Variants in NUP155 observed in about 807,000 individuals in gnomAD.
The protein encoded by NUP155 is nuclear pore complex protein Nup155.
NUP155 carries 71 observed loss-of-function variants against 180.4 expected under a neutral mutation model. That is an observed-to-expected ratio of 0.39 (90% CI 0.33 to 0.48). NUP155 has a LOEUF of 0.48. Ranked by LOEUF, NUP155 falls within the 20% of genes least tolerant of loss-of-function variation. The probability of loss-of-function intolerance (pLI) is 0.91; values close to 1 mark genes in which losing one functional copy is unlikely to be tolerated. For missense variants in NUP155, 1,553 were observed against 1,648.9 expected, an observed-to-expected ratio of 0.94 and a Z score of 1.01; for synonymous variants, 582 against 559.5, an observed-to-expected ratio of 1.04 and a Z score of -0.57.
chr5:37,341,385 G>A (rs1489204900), intron 10 of NUP155, 143 bp from the exon 11 acceptor site: 13 of 752,950 alleles, frequency 1.7e-5, no homozygotes, highest in Non-Finnish European at 2.9e-5. Context: ...TTTTGGAGAT[G>A]GAGTCTAGCT....
rs761142575 is a variant in NUP155 at position 37,299,549 on chromosome 5, T to A, written c.3581A>T (p.Asp1194Val). The A allele has an allele frequency of 1.2e-6, 2 of 1,614,024 alleles. No homozygotes were observed. Among genetic ancestry groups the A allele is most frequent in the Non-Finnish European group, 1.7e-6 (2 of 1,179,960 alleles). ...TTTGCACTCTGCAAGTTTAAATGGG[T>A]CAGCAAATTCCCCATAAAGCTGTGA... ...DITKLYGEFA[D>V]PFKLAECKLA... Residue 1194 changes from aspartate to valine, a missense_variant, in exon 31 of 35, where the codon GAC becomes GTC. Transcript: ENST00000231498.
At chr5:37,354,866 C>T (rs1484951603) in intron 4 of NUP155, among the ~76,000 whole-genome samples, 3 of 151,956 alleles carry the variant, frequency 2.0e-5, no homozygotes, top group African/African-American at 4.8e-5. Context: ...CAGAGACGGG[C>T]GGATCACTTG....
Position 37,333,571 on chromosome 5 carries a change from A to C in NUP155, c.1410T>G (p.Asp470Glu). The C allele has an allele frequency of 1.2e-6, 2 of 1,613,768 alleles. No homozygotes were observed. The highest frequency in any genetic ancestry group is 1.7e-6 in the Non-Finnish European group (2 of 1,179,670). Reference protein sequence around the residue: ...ALSAIDELKVDKIITPLNKDH... With the variant: ...ALSAIDELKVEKIITPLNKDH... ...CCTTGTTTAAAGGTGTAATTATTTT[A>C]TCTACTTTCAATTCATCTATCGCAG... The change falls in exon 13 of 35, where the codon GAT becomes GAG. Residue 470 changes from aspartate to glutamate, a missense_variant. Asp to Glu is a conservative substitution (Grantham distance 45). Transcript: ENST00000231498.
Position 37,351,334 on chromosome 5 carries a change from A to G in NUP155, c.579T>C (p.Ser193=), listed in dbSNP as rs1746442727. 6.2e-7 allele frequency: 1 copy of G among 1,612,456 alleles called. No individual in the cohort carries two copies. The highest frequency in any genetic ancestry group is 2.2e-5 in the East Asian group (1 of 44,818). Residue 193 remains serine, a synonymous_variant, in exon 6 of 35, where the codon AGT becomes AGC. Transcript: ENST00000231498. ...GAAGCAACTGCATTCCACCAGACAA[A>G]CTATCATTAAGAACTCCAGAACCTA... ...LQTGSGVLND[S]LSGGMQLLPD...
At chr5:37,367,858 A>G (rs532913728) in intron 1 of NUP155, among the ~76,000 whole-genome samples, 10 of 151,626 alleles carry the variant, frequency 6.6e-5, no homozygotes, top group African/African-American at 2.4e-4. Context: ...ATCTCGGCTC[A>G]CTGCAACTTC....
At chr5:37,359,344 C>T (rs1010438793) in intron 3 of NUP155, among the ~76,000 whole-genome samples, 28 of 152,144 alleles carry the variant, frequency 1.8e-4, no homozygotes, top group African/African-American at 6.5e-4. Flanking sequence ...TTCCAAACAT[C>T]TCCACAACAG....
intron 4 of NUP155, among the ~76,000 whole-genome samples, chr5:37,356,500 G>A (rs566726253): frequency 5.9e-5 from 9 of 151,606 alleles, no homozygotes; most frequent in Middle Eastern, 3.4e-3. Flanking sequence ...AAAATTAGGC[G>A]TGGTGACATG....
intron 32 of NUP155, among the ~76,000 whole-genome samples, chr5:37,295,712 T>C (rs1337212629): frequency 1.4e-5 from 2 of 141,534 alleles, no homozygotes; most frequent in Non-Finnish European, 3.1e-5. Context: ...CCGTCCGGGA[T>C]GTGAGGAGCG....
rs1195043441 is a variant in NUP155 at position 37,290,196 on chromosome 5, G to A, written c.*1704C>T. ...GGTAGCATAAAGAGAGAAGGGAATA[G>A]GCCAGGCACATTGGCTCACGTCTGT... On this transcript the variant is annotated 3_prime_UTR_variant, in exon 35 of 35. Coordinates refer to ENST00000231498, the MANE Select transcript of NUP155 (RefSeq NM_153485.3). 1 of 152,138 alleles carries A rather than the reference G, an allele frequency of 6.6e-6. No individual in the cohort carries two copies. Among genetic ancestry groups the A allele is most frequent in the Non-Finnish European group, 1.5e-5 (1 of 68,040 alleles). 9.4% of individuals were successfully genotyped at this position (152,138 alleles called of 1,614,324 possible). A position where few individuals can be genotyped will look rare whatever the true frequency, so the allele number is the denominator to read the frequency against.
chr5:37,344,857 G>A (rs1179301014), intron 9 of NUP155, among the ~76,000 whole-genome samples: 4 of 145,314 alleles, frequency 2.8e-5, no homozygotes, highest in Non-Finnish European at 6.0e-5. Flanking sequence ...GGGTGACAGA[G>A]CAAGACTCCA....
Position 37,341,323 on chromosome 5 carries a change from G to T in NUP155, c.1094-81C>A, listed in dbSNP as rs968872989. The T allele has an allele frequency of 7.2e-6, 8 of 1,116,224 alleles. No homozygotes were observed. The African/African-American group carries it at 7.7e-5, about 11-fold the overall frequency. The allele number at this position is 1,116,224 out of a possible 1,614,324, so 69.1% of individuals were successfully genotyped here. A position where few individuals can be genotyped will look rare whatever the true frequency, so the allele number is the denominator to read the frequency against. On this transcript the variant is annotated intron_variant, in intron 10 of 34. Coordinates refer to ENST00000231498, the MANE Select transcript of NUP155 (RefSeq NM_153485.3). ...TGTGTTATTGAAGCAATTACATACA[G>T]CAATGCAACACTCTGCTAAAACCAT...
chr5:37,295,166 C>T lies in NUP155; in HGVS notation c.3794-701G>A, dbSNP rs570288470. Among the ~76,000 whole-genome samples the T allele has an allele frequency of 5.9e-5, 9 of 152,300 alleles. No individual in the cohort carries two copies. In the South Asian group the frequency reaches 1.7e-3, roughly 28 times the overall value. On this transcript the variant is annotated intron_variant, in intron 32 of 34. Coordinates refer to ENST00000231498, the MANE Select transcript of NUP155 (RefSeq NM_153485.3). ...TCCCTGCCTGATTCTCCTGCCTCAG[C>T]CTGCCGAGTGCCTGCGATTGCAGGT...
At chr5:37,322,526 T>C (rs979007812) in intron 20 of NUP155, among the ~76,000 whole-genome samples, 5 of 151,732 alleles carry the variant, frequency 3.3e-5, no homozygotes, top group African/African-American at 7.3e-5. Context: ...GCTAACACGG[T>C]GAAACCCAGT....
intron 33 of NUP155, among the ~76,000 whole-genome samples, chr5:37,294,026 A>AAAAAAAAAAAAAAAAAAAAAAAAAC (rs1742383768): frequency 1.3e-5 from 1 of 76,068 alleles, no homozygotes; most frequent in Admixed American, 1.2e-4. Context: ...AAAAAAAAAA[A>AAAAAAAAAAAAAAAAAAAAAAAAAC]AATAAAGCAA....
Position 37,308,777 on chromosome 5 carries a change from G to T in NUP155, c.2767+352C>A, listed in dbSNP as rs1425464383. Among the ~76,000 whole-genome samples, 13 of 151,476 alleles carry T rather than the reference G, an allele frequency of 8.6e-5. 1 individual carries two copies. Among genetic ancestry groups the T allele is most frequent in the Admixed American group, 6.6e-4 (10 of 15,208 alleles). On this transcript the variant is annotated intron_variant, in intron 24 of 34. Coordinates refer to ENST00000231498, the MANE Select transcript of NUP155 (RefSeq NM_153485.3). ...CGCCTGTAATACCAGCTACCCGGGA[G>T]GCTGAGGCAGGAGAATTGCTGGAAC... is the stretch of plus-strand genomic sequence containing the variant.
intron 33 of NUP155, chr5:37,293,293 T>C (rs889011509): frequency 3.5e-6 from 1 of 284,254 alleles, no homozygotes; most frequent in Non-Finnish European, 6.7e-6. Flanking sequence ...TTTCTATGGG[T>C]TGTGACACCA....
chr5:37,340,180 C>T (rs963585893), intron 11 of NUP155, among the ~76,000 whole-genome samples: 1 of 152,166 alleles, frequency 6.6e-6, no homozygotes, highest in African/African-American at 2.4e-5. Flanking sequence ...GTGGCTCATG[C>T]CTGTAATCCC....
chr5:37,325,964 G>T lies in NUP155; in HGVS notation c.2028C>A (p.Asn676Lys). 6.2e-7 allele frequency: 1 copy of T among 1,605,968 alleles called. No homozygotes were observed. The change falls in exon 19 of 35, where the codon AAC (asparagine) becomes AAA (lysine). Residue 676 changes from asparagine (N) to lysine (K), a missense_variant. Coordinates refer to ENST00000231498, the MANE Select transcript of NUP155 (RefSeq NM_153485.3). ...ICIYFSRIMG[N>K]IWDASLVVER... ...CCACAACTAAGCTTGCATCCCAAAT[G>T]TTTCTGGAAAAAAAAAAGTTTTAAT...
At chr5:37,308,854 T>C (rs1402444935) in intron 24 of NUP155, among the ~76,000 whole-genome samples, 1 of 130,888 alleles carries the variant, frequency 7.6e-6, no homozygotes, top group Non-Finnish European at 1.5e-5. Context: ...CACTCCAGCC[T>C]GGCTGACAGA....
Sources: gnomAD v4.1 joint callset for allele counts (sites outside exome capture counted in the v4.1 genomes callset) on GRCh38, gnomAD v4.1.1 for gene constraint, MANE v1.5 for transcripts, NCBI Gene and HGNC (gene_info 2026-07-23, HGNC 2026-07-21) for gene names.